Variants in NOL4 observed in about 807,000 individuals in gnomAD.
The protein encoded by NOL4 is cancer/testis antigen 125.
A neutral mutation model predicts 75.9 loss-of-function variants in NOL4; 17 were observed. That is an observed-to-expected ratio of 0.22 (90% CI 0.15 to 0.34). The LOEUF is 0.34. Ranked by LOEUF, NOL4 falls within the 10% of genes least tolerant of loss-of-function variation. The pLI is 1.00. For synonymous variants in NOL4, 292 were observed against 289.9 expected, an observed-to-expected ratio of 1.01 and a Z score of -0.07; for missense variants, 614 against 793.5, an observed-to-expected ratio of 0.77 and a Z score of 2.72.
Position 34,068,682 on chromosome 18 carries a change from C to T in NOL4, c.772+24783G>A, listed in dbSNP as rs117826346. On this transcript the variant is annotated intron_variant, in intron 5 of 10. Transcript: ENST00000261592. ...AAAGTGCTGGGATTACAGGCATAAG[C>T]CACCGCGCCTGGCAGAGAATTGCTT... Among the ~76,000 whole-genome samples the T allele has an allele frequency of 2.9e-3, 437 of 152,302 alleles. 8 individuals are homozygous for T. In the East Asian group the frequency reaches 0.034, roughly 12 times the overall value.
intron 8 of NOL4, among the ~76,000 whole-genome samples, chr18:33,950,610 A>G (rs2069151560): frequency 6.6e-6 from 1 of 152,176 alleles, no homozygotes; most frequent in African/African-American, 2.4e-5. Context: ...CTCAAGGAAC[A>G]TAATTTCTTC....
chr18:34,088,072 C>T (rs2078329861), intron 5 of NOL4, among the ~76,000 whole-genome samples: 1 of 151,492 alleles, frequency 6.6e-6, no homozygotes, highest in South Asian at 2.1e-4. Context: ...ATCTAATAAT[C>T]TTTCTAATTA....
chr18:33,996,450 G>A (rs2073292262), intron 6 of NOL4, among the ~76,000 whole-genome samples: 1 of 151,672 alleles, frequency 6.6e-6, no homozygotes, highest in Admixed American at 6.6e-5. Flanking sequence ...TATAATCAGG[G>A]ATTACATATG....
chr18:34,104,286 T>C (rs1047041542), intron 3 of NOL4, 127 bp from the exon 4 acceptor site: 1 of 626,926 alleles, frequency 1.6e-6, no homozygotes, highest in African/African-American at 1.8e-5. Flanking sequence ...ATGGTAGCAT[T>C]ATAGTTGGAC....
chr18:34,205,075 G>A (rs1457298402), intron 1 of NOL4, among the ~76,000 whole-genome samples: 1 of 152,010 alleles, frequency 6.6e-6, no homozygotes, highest in Non-Finnish European at 1.5e-5. Flanking sequence ...AGGTTGTTAT[G>A]GAAACAGGTT....
intron 5 of NOL4, among the ~76,000 whole-genome samples, chr18:34,033,884 T>C (rs910491250): frequency 6.6e-6 from 1 of 151,762 alleles, no homozygotes; most frequent in East Asian, 1.9e-4. Context: ...GAGAATAGGA[T>C]GACATATTCA....
chr18:33,853,162 T>A, intron 10 of NOL4, 127 bp from the exon 11 acceptor site: 1 of 774,768 alleles, frequency 1.3e-6, no homozygotes, highest in Non-Finnish European at 2.0e-6. Context: ...GTGATCTCTT[T>A]AATCAAATAC....
intron 2 of NOL4, among the ~76,000 whole-genome samples, chr18:34,116,328 C>T (rs2079856489): frequency 6.6e-6 from 1 of 152,146 alleles, no homozygotes; most frequent in African/African-American, 2.4e-5. Flanking sequence ...GAATACCTTA[C>T]TGAAAATCCC....
chr18:34,208,179 T>A (rs1044261097), intron 1 of NOL4, among the ~76,000 whole-genome samples: 2 of 152,174 alleles, frequency 1.3e-5, no homozygotes, highest in African/African-American at 4.8e-5. Context: ...GCAGTTGACA[T>A]CCATCCTCAT....
chr18:33,887,845 T>G (rs372951487), intron 9 of NOL4, among the ~76,000 whole-genome samples: 47 of 152,218 alleles, frequency 3.1e-4, no homozygotes, highest in Non-Finnish European at 6.0e-4. Context: ...TTGGTTCCAA[T>G]TCTTTGCTAT....
In NOL4 at chr18:33,933,953, C is replaced by T. The variant is rs569526900; in HGVS notation, c.1542+9112G>A. Among the ~76,000 whole-genome samples, 276 of 152,146 alleles carry T rather than the reference C, an allele frequency of 1.8e-3. 3 individuals are homozygous for T. The highest frequency in any genetic ancestry group is 3.6e-3 in the Non-Finnish European group (245 of 68,006). The stretch of plus-strand genomic sequence containing the variant: ...CCTAATCCATCAGAGGAATCACTAG[C>T]GATGGCAGCCATAGCCTTGGGAAAT... On this transcript the variant is annotated intron_variant, in intron 9 of 10. Coordinates refer to ENST00000261592, the MANE Select transcript of NOL4 (RefSeq NM_003787.5).
chr18:34,028,755 A>G (rs2075480098), intron 5 of NOL4, among the ~76,000 whole-genome samples: 1 of 152,234 alleles, frequency 6.6e-6, no homozygotes, highest in African/African-American at 2.4e-5. Context: ...AGACTCCCAG[A>G]AGATTCATTT....
chr18:34,010,826 A>G (rs2074330539), intron 6 of NOL4, among the ~76,000 whole-genome samples: 1 of 151,816 alleles, frequency 6.6e-6, no homozygotes, highest in African/African-American at 2.4e-5. Context: ...ATTTTTTCAT[A>G]TACCTGTTAG....
intron 6 of NOL4, among the ~76,000 whole-genome samples, chr18:33,990,712 T>G (rs2072855908): frequency 6.6e-6 from 1 of 152,036 alleles, no homozygotes; most frequent in South Asian, 2.1e-4. Context: ...TATTGTCCAC[T>G]TCCCAGAATT....
chr18:34,053,145 T>G (rs1375918309), intron 5 of NOL4, among the ~76,000 whole-genome samples: 2 of 151,722 alleles, frequency 1.3e-5, no homozygotes, highest in Non-Finnish European at 2.9e-5. Flanking sequence ...GAAGAAAAAA[T>G]GGATTTCAGA....
chr18:33,889,542 C>G (rs1161229944), intron 9 of NOL4, among the ~76,000 whole-genome samples: 1 of 152,120 alleles, frequency 6.6e-6, no homozygotes, highest in African/African-American at 2.4e-5. Flanking sequence ...TTTTATGAGG[C>G]TAGCATCATC....
At chr18:33,925,359 T>C (rs942394764) in intron 9 of NOL4, among the ~76,000 whole-genome samples, 1 of 152,132 alleles carries the variant, frequency 6.6e-6, no homozygotes, top group Non-Finnish European at 1.5e-5. Context: ...TAAAGACCTA[T>C]AGAAAGCATC....
At chr18:33,861,842 GC>G (rs2063151921) in intron 10 of NOL4, among the ~76,000 whole-genome samples, 1 of 151,960 alleles carries the variant, frequency 6.6e-6, no homozygotes, top group Admixed American at 6.6e-5. Context: ...TGGCCATACT[GC>G]CCAAGGTAAT....
chr18:34,036,909 G>T (rs546717902), intron 5 of NOL4, among the ~76,000 whole-genome samples: 1 of 152,134 alleles, frequency 6.6e-6, no homozygotes, highest in Non-Finnish European at 1.5e-5. Flanking sequence ...TCCTGCCTGG[G>T]CAATAGAGTG....
Sources: gnomAD v4.1 joint callset for allele counts (sites outside exome capture counted in the v4.1 genomes callset) on GRCh38, gnomAD v4.1.1 for gene constraint, MANE v1.5 for transcripts, NCBI Gene and HGNC (gene_info 2026-07-23, HGNC 2026-07-21) for gene names.